Variants in C3orf49 observed in about 807,000 individuals in gnomAD.
C3orf49 encodes putative uncharacterized protein C3orf49.
Under a neutral mutation model 13.3 loss-of-function variants are expected in C3orf49, and 27 were observed. The ratio of observed to expected loss-of-function variants is 2.02; its 90% CI spans 1.49 to 2.79. C3orf49 has a LOEUF of 2.79. C3orf49 is among the 30% of genes most tolerant of loss of function. The pLI, the probability that C3orf49 is intolerant of heterozygous loss-of-function variation, is 0.00. For missense variants in C3orf49, 242 were observed against 134.2 expected (o/e 1.80, Z -3.97); for synonymous variants, 87 against 47.6 (o/e 1.83, Z -3.40).
At chr3:63,815,580 T>C (rs572132262), upstream of C3orf49, among the ~76,000 whole-genome samples, 1 of 152,206 alleles carries the variant, frequency 6.6e-6, no homozygotes, top group East Asian at 1.9e-4. Flanking sequence ...GCTCATGTCG[T>C]TTTCTGTCTT....
At position 63,843,943 on chromosome 3, in the gene C3orf49, A is replaced by G. The variant is rs990058758; in HGVS notation, c.850-1080A>G. ...ACTGTGGATGTGTGTGTATATATAT[A>G]TGTGTGTATGTGTTACACACACAAA... On this transcript the variant is annotated intron_variant, in intron 5 of 6. Coordinates refer to ENST00000295896, the MANE Select transcript of C3orf49 (RefSeq NM_001355236.2). Among the ~76,000 whole-genome samples the G allele has an allele frequency of 3.3e-5, 5 of 152,256 alleles. No individual in the cohort carries two copies. In the East Asian group the frequency reaches 5.8e-4, roughly 18 times the overall value.
intron 2 of C3orf49, among the ~76,000 whole-genome samples, chr3:63,824,914 A>T (rs1436737859): frequency 6.6e-6 from 1 of 152,016 alleles, no homozygotes; most frequent in Non-Finnish European, 1.5e-5. Flanking sequence ...TGAACAGAAA[A>T]TGTAGAGTTC....
At chr3:63,833,907 T>C (rs1701570373) in intron 5 of C3orf49, 1 of 448,148 alleles carries the variant, frequency 2.2e-6, no homozygotes. Flanking sequence ...TTTTTGGATG[T>C]TGCTTCCTAC....
At chr3:63,815,309 TA>T (rs1257669762), upstream of C3orf49, among the ~76,000 whole-genome samples, 1 of 152,196 alleles carries the variant, frequency 6.6e-6, no homozygotes, top group African/African-American at 2.4e-5. Context: ...TTCATTTCAG[TA>T]TTTAACTTCT....
At chr3:63,840,290 A>G (rs1043791389) in intron 5 of C3orf49, among the ~76,000 whole-genome samples, 10 of 152,192 alleles carry the variant, frequency 6.6e-5, no homozygotes, top group Non-Finnish European at 5.9e-5. Context: ...GGAAAAAAAA[A>G]TGAGATGGGT....
chr3:63,808,973 T>C, the C3orf49 span, among the ~76,000 whole-genome samples: 2 of 152,182 alleles, frequency 1.3e-5, no homozygotes, highest in African/African-American at 4.8e-5. Context: ...GCTTTTTTTT[T>C]TCTTTTGGTC....
intron 1 of C3orf49, among the ~76,000 whole-genome samples, chr3:63,821,608 T>C (rs79437651): frequency 0.023 from 3,493 of 152,218 alleles, 141 homozygotes; most frequent in African/African-American, 0.081. Flanking sequence ...CATGGACTAT[T>C]ACTCAGCAAT....
At chr3:63,790,350 T>C in the C3orf49 span, among the ~76,000 whole-genome samples, 50 of 152,142 alleles carry the variant, frequency 3.3e-4, no homozygotes, top group Non-Finnish European at 1.0e-4. Context: ...GGCCCAGGAA[T>C]GTGAATTTCT....
At chr3:63,781,770 T>C in the C3orf49 span, among the ~76,000 whole-genome samples, 2 of 152,188 alleles carry the variant, frequency 1.3e-5, no homozygotes, top group Admixed American at 1.3e-4. Context: ...ATTGTGACCA[T>C]GAGCTTAACA....
chr3:63,790,158 C>T, the C3orf49 span, among the ~76,000 whole-genome samples: 2 of 152,116 alleles, frequency 1.3e-5, no homozygotes, highest in Admixed American at 1.3e-4. Context: ...CTCCTGAGAG[C>T]CTCTATCCAT....
the C3orf49 span, among the ~76,000 whole-genome samples, chr3:63,791,338 T>C: frequency 2.6e-5 from 4 of 152,182 alleles, no homozygotes; most frequent in Admixed American, 2.6e-4. Flanking sequence ...TATATGTGAG[T>C]AGCATTTAAT....
intron 3 of C3orf49, among the ~76,000 whole-genome samples, chr3:63,828,108 C>G (rs1701489522): frequency 1.3e-5 from 2 of 152,220 alleles, no homozygotes; most frequent in African/African-American, 2.4e-5. Flanking sequence ...AATATAGTAG[C>G]CGTTAGCCAC....
At chr3:63,836,081 T>C (rs1335591082) in intron 5 of C3orf49, among the ~76,000 whole-genome samples, 8 of 152,046 alleles carry the variant, frequency 5.3e-5, no homozygotes, top group Admixed American at 4.6e-4. Context: ...ATTTATCCAT[T>C]GTGATATTGA....
At chr3:63,815,306 C>T (rs1263804346), upstream of C3orf49, among the ~76,000 whole-genome samples, 2 of 152,186 alleles carry the variant, frequency 1.3e-5, no homozygotes, top group African/African-American at 2.4e-5. Context: ...CAATTCATTT[C>T]AGTATTTAAC....
intron 5 of C3orf49, chr3:63,832,996 G>GAACA (rs1194614017): frequency 2.0e-5 from 3 of 151,784 alleles, no homozygotes; most frequent in African/African-American, 7.3e-5. Flanking sequence ...GGATGGAGCT[G>GAACA]AACAAGTATT....
At chr3:63,828,089 G>A (rs1021014355) in intron 3 of C3orf49, among the ~76,000 whole-genome samples, 3 of 152,226 alleles carry the variant, frequency 2.0e-5, no homozygotes, top group Admixed American at 6.5e-5. Flanking sequence ...ATGTAAGTAT[G>A]CATTGTCCAA....
chr3:63,832,020 C>T (rs1701539866), intron 5 of C3orf49, 176 bp downstream of exon 5: 1 of 529,518 alleles, frequency 1.9e-6, no homozygotes, highest in South Asian at 2.6e-5. Flanking sequence ...ATGGTGAAAC[C>T]CTGTCTCTAC....
chr3:63,782,844 A>T, the C3orf49 span: 1 of 152,248 alleles, frequency 6.6e-6, no homozygotes, highest in South Asian at 2.1e-4. Flanking sequence ...ATGGGTTCTT[A>T]CCTTCCAAAC....
chr3:63,801,366 AAAAT>A, the C3orf49 span, among the ~76,000 whole-genome samples: 1 of 152,166 alleles, frequency 6.6e-6, no homozygotes, highest in Non-Finnish European at 1.5e-5. Context: ...ACACGGTGAA[AAAAT>A]AAATAGACAA....
Sources: gnomAD v4.1 joint callset for allele counts (sites outside exome capture counted in the v4.1 genomes callset) on GRCh38, gnomAD v4.1.1 for gene constraint, MANE v1.5 for transcripts, NCBI Gene and HGNC (gene_info 2026-07-23, HGNC 2026-07-21) for gene names.